The following ZNF451 variants were observed in gnomAD, a reference collection of about 807,000 sequenced individuals.
The protein encoded by ZNF451 is E3 SUMO-protein ligase ZNF451.
A neutral mutation model predicts 107.1 loss-of-function variants in ZNF451; 80 were observed. The ratio of observed to expected loss-of-function variants is 0.75; its 90% CI spans 0.62 to 0.90. The LOEUF (loss-of-function observed/expected upper bound fraction) is 0.90. ZNF451 is among the 40% of genes least tolerant of loss of function. The pLI is 0.00. For missense variants in ZNF451, 1,107 were observed against 1,236.2 expected (o/e 0.90, Z 1.57); for synonymous variants, 362 against 406.5 (o/e 0.89, Z 1.32).
At position 57,134,105 on chromosome 6, in the gene ZNF451, G is replaced by A. The variant is rs1389491512; in HGVS notation, c.576-639G>A. On this transcript the variant is annotated intron_variant, in intron 6 of 14. Transcript: ENST00000370706. Reference sequence around the variant, plus strand: ...GGAAATTGAGAGTTTGGGGCTCTAAGCCATTGTCTTTTCCATATGTCTCAC... The same window carrying A: ...GGAAATTGAGAGTTTGGGGCTCTAAACCATTGTCTTTTCCATATGTCTCAC... 2.0e-5 allele frequency: 3 copies of A among 152,282 alleles called. No individual in the cohort carries two copies. In the East Asian group the frequency reaches 5.8e-4, roughly 29 times the overall value. The allele number at this position is 152,282 out of a possible 1,614,324, so 9.4% of individuals were successfully genotyped here.
At chr6:57,121,244 C>T (rs1241785772) in intron 3 of ZNF451, among the ~76,000 whole-genome samples, 2 of 152,050 alleles carry the variant, frequency 1.3e-5, no homozygotes, top group African/African-American at 4.8e-5. Flanking sequence ...ATCTGTTTGT[C>T]CCTTCTTTTG....
At position 57,169,954 on chromosome 6, in the gene ZNF451, G is replaced by C. The variant is rs1028693802; in HGVS notation, c.*1485G>C. 2.0e-5 allele frequency: 3 copies of C among 152,240 alleles called. No homozygotes were observed. Among genetic ancestry groups the C allele is most frequent in the African/African-American group, 7.2e-5 (3 of 41,442 alleles). 9.4% of individuals were successfully genotyped at this position (152,240 alleles called of 1,614,324 possible). A position where few individuals can be genotyped will look rare whatever the true frequency, so the allele number is the denominator to read the frequency against. On this transcript the variant is annotated 3_prime_UTR_variant, in exon 15 of 15. Coordinates refer to ENST00000370706, the MANE Select transcript of ZNF451 (RefSeq NM_001031623.3). Reference sequence around the variant, plus strand: ...GAAGAGTAGTTAAGCAGATGTGGGGGCAGGGCAAGAGGAGACAGCACCTTG... The same window carrying C: ...GAAGAGTAGTTAAGCAGATGTGGGGCCAGGGCAAGAGGAGACAGCACCTTG...
Position 57,152,242 on chromosome 6 carries a change from C to T in ZNF451, c.2774C>T (p.Pro925Leu), listed in dbSNP as rs745897452. 4 of 1,612,354 alleles carry T rather than the reference C, an allele frequency of 2.5e-6. 1 individual carries two copies. The highest frequency in any genetic ancestry group is 1.7e-6 in the Non-Finnish European group (2 of 1,179,244). The change falls in exon 12 of 15, where the codon CCT becomes CTT. Residue 925 changes from proline (P) to leucine (L), a missense_variant. By Grantham distance (98) the Pro-to-Leu change is moderately conservative. Transcript: ENST00000370706. ...ATAGGAGGAAACACCAATTGGAAGC[C>T]TCCGCTCAACTGTAAGATTTATAAC... ...GFQGGNTNWK[P>L]PLNCKIYNYL...
chr6:57,125,012 T>C (rs1830863327), intron 4 of ZNF451, among the ~76,000 whole-genome samples, 153 bp downstream of exon 4: 1 of 152,122 alleles, frequency 6.6e-6, no homozygotes, highest in Admixed American at 6.6e-5. Flanking sequence ...CATAATAGCT[T>C]TTTACATCTA....
At chr6:57,126,417 C>A (rs571624140) in intron 4 of ZNF451, 4 of 151,946 alleles carry the variant, frequency 2.6e-5, no homozygotes, top group Non-Finnish European at 5.9e-5. Context: ...CAACAAAAAA[C>A]CACCCAGAAA....
intron 3 of ZNF451, chr6:57,124,420 C>T: frequency 1.4e-6 from 1 of 715,368 alleles, no homozygotes; most frequent in African/African-American, 1.7e-5. Flanking sequence ...TCTCTCTCTC[C>T]AATTTTAGGG....
intron 3 of ZNF451, among the ~76,000 whole-genome samples, chr6:57,113,623 T>A (rs1297185608): frequency 6.7e-6 from 1 of 149,230 alleles, no homozygotes; most frequent in Non-Finnish European, 1.5e-5. Flanking sequence ...AAAAAAAATT[T>A]TTTTTTTTTT....
intron 13 of ZNF451, 87 bp from the exon 14 acceptor site, chr6:57,160,997 G>A (rs1763648038): frequency 2.5e-6 from 2 of 796,040 alleles, no homozygotes; most frequent in African/African-American, 1.8e-5. Context: ...TAATGAGTAA[G>A]CTTGGGTATG....
chr6:57,105,958 C>CA (rs1225975003), intron 3 of ZNF451: 1 of 984,806 alleles, frequency 1.0e-6, no homozygotes, highest in African/African-American at 1.7e-5. Context: ...ACTTAGCCCT[C>CA]AAAATGACAT....
At chr6:57,144,027 T>G (rs1017757173) in intron 9 of ZNF451, among the ~76,000 whole-genome samples, 3 of 151,992 alleles carry the variant, frequency 2.0e-5, no homozygotes, top group Non-Finnish European at 4.4e-5. Context: ...AGTAGTTGCT[T>G]AGGGTTCAGT....
At chr6:57,102,497 GTT>G in intron 3 of ZNF451, 1 of 992,554 alleles carries the variant, frequency 1.0e-6, no homozygotes. Flanking sequence ...CTAGATGTCT[GTT>G]TACTAAGACC....
intron 4 of ZNF451, 88 bp from the exon 5 acceptor site, chr6:57,128,641 G>A (rs1403825507): frequency 1.3e-6 from 1 of 793,372 alleles, no homozygotes; most frequent in African/African-American, 1.8e-5. Flanking sequence ...AAAGTAATCA[G>A]TATTTTCTGA....
intron 3 of ZNF451, chr6:57,103,163 A>G (rs1441866648): frequency 1.8e-5 from 18 of 985,316 alleles, no homozygotes; most frequent in Admixed American, 6.1e-5. Context: ...AATTCCAAAC[A>G]TGCCTGACAA....
rs1764006206 is a variant in ZNF451 at position 57,168,593 on chromosome 6, C to T, written c.*124C>T. 5.2e-6 allele frequency: 4 copies of T among 773,214 alleles called. No individual in the cohort carries two copies. Among genetic ancestry groups the T allele is most frequent in the Non-Finnish European group, 8.5e-6 (4 of 468,952 alleles). The allele number at this position is 773,214 out of a possible 1,614,324, so 47.9% of individuals were successfully genotyped here. A position where few individuals can be genotyped will look rare whatever the true frequency, so the allele number is the denominator to read the frequency against. ...AAATGTATTTGAAAACATGTTTTTG[C>T]TTTCATATGTTCAAAATCTGATCTT... On this transcript the variant is annotated 3_prime_UTR_variant, in exon 15 of 15. Coordinates refer to ENST00000370706, the MANE Select transcript of ZNF451 (RefSeq NM_001031623.3).
At chr6:57,100,943 A>G (rs1254314315) in intron 3 of ZNF451, 3 of 1,551,058 alleles carry the variant, frequency 1.9e-6, no homozygotes, top group South Asian at 2.4e-5. Flanking sequence ...TCAGCTTCAC[A>G]GCATGGACGG....
At chr6:57,106,760 T>C in intron 3 of ZNF451, 1 of 985,352 alleles carries the variant, frequency 1.0e-6, no homozygotes, top group Non-Finnish European at 1.2e-6. Context: ...ATCTTATGCA[T>C]GTGATTCAAT....
intron 5 of ZNF451, among the ~76,000 whole-genome samples, chr6:57,129,405 G>A (rs985521761): frequency 4.6e-5 from 7 of 152,166 alleles, no homozygotes; most frequent in African/African-American, 1.4e-4. Context: ...TTAAGAGCCA[G>A]TAGGAGAGTC....
At chr6:57,101,449 G>C in intron 3 of ZNF451, 2 of 1,550,774 alleles carry the variant, frequency 1.3e-6, no homozygotes, top group Non-Finnish European at 1.7e-6. Context: ...CCCACCAGCT[G>C]AAGGCCCCAT....
In ZNF451 at chr6:57,141,394, G is replaced by C. The variant is rs1207532648; in HGVS notation, c.795G>C (p.Lys265Asn). The change falls in exon 8 of 15, where the codon AAG becomes AAC. Residue 265 changes from lysine to asparagine, a missense_variant. Transcript: ENST00000370706. Reference protein sequence around the residue: ...CPNCFLLFSRKEECSKHMSGK... With the variant: ...CPNCFLLFSRNEECSKHMSGK... ...ATTGCTTCCTTCTTTTTAGCAGAAAGGAGGAGTGTTCAAAGCATATGTCTG... is the reference window on the plus strand; with the variant it reads ...ATTGCTTCCTTCTTTTTAGCAGAAACGAGGAGTGTTCAAAGCATATGTCTG... The C allele has an allele frequency of 1.9e-6, 3 of 1,613,368 alleles. No homozygotes were observed. The highest frequency in any genetic ancestry group is 2.5e-6 in the Non-Finnish European group (3 of 1,179,704).
Sources: allele counts gnomAD v4.1 joint callset (sites outside exome capture counted in the v4.1 genomes callset), GRCh38; gene constraint gnomAD v4.1.1; transcripts MANE v1.5; gene names NCBI Gene and HGNC (gene_info 2026-07-23, HGNC 2026-07-21).